Variants in PCED1B observed in about 807,000 individuals in gnomAD.
PCED1B encodes the protein PC-esterase domain-containing protein 1B.
For synonymous variants in PCED1B, 251 were observed against 246.1 expected (o/e 1.02, Z -0.19); for missense variants, 573 against 573.9 (o/e 1.00, Z 0.02).
At chr12:47,212,091 A>G (rs1424011478) in intron 2 of PCED1B, among the ~76,000 whole-genome samples, 1 of 151,282 alleles carries the variant, frequency 6.6e-6, no homozygotes, top group East Asian at 2.0e-4. Context: ...AAAAAAAAAA[A>G]AAACCCAATC....
intron 2 of PCED1B, among the ~76,000 whole-genome samples, chr12:47,112,230 C>T (rs1040095821): frequency 1.3e-5 from 2 of 152,212 alleles, no homozygotes; most frequent in African/African-American, 4.8e-5. Context: ...TTACTTGATA[C>T]ACTCCCTATC....
chr12:47,233,469 A>C (rs1943874809), intron 3 of PCED1B, among the ~76,000 whole-genome samples: 1 of 152,222 alleles, frequency 6.6e-6, no homozygotes, highest in Admixed American at 6.5e-5. Flanking sequence ...AGTGCACCGG[A>C]AAACAGTGAA....
intron 2 of PCED1B, among the ~76,000 whole-genome samples, chr12:47,125,832 T>TGAGTTTACATTTTGTTA (rs1230252972): frequency 2.0e-5 from 3 of 152,108 alleles, no homozygotes; most frequent in Non-Finnish European, 4.4e-5. Flanking sequence ...GAAATACAAT[T>TGAGTTTACATTTTGTTA]GAGTTTACAT....
chr12:47,081,446 G>A (rs1444016763), intron 1 of PCED1B, among the ~76,000 whole-genome samples: 2 of 152,164 alleles, frequency 1.3e-5, no homozygotes, highest in Admixed American at 6.5e-5. Flanking sequence ...GAATAAAGCC[G>A]GGCTAGCACT....
chr12:47,219,642 C>G (rs1237868940), intron 3 of PCED1B, among the ~76,000 whole-genome samples: 2 of 152,186 alleles, frequency 1.3e-5, no homozygotes, highest in African/African-American at 2.4e-5. Context: ...AGAAGACTAG[C>G]TAACAGAGTG....
intron 1 of PCED1B, among the ~76,000 whole-genome samples, chr12:47,093,445 A>T (rs965222457): frequency 1.3e-5 from 2 of 149,662 alleles, no homozygotes; most frequent in Non-Finnish European, 3.0e-5. Context: ...TGTCTTTCTT[A>T]TATGTTCCTT....
At chr12:47,144,967 T>C (rs1370181546) in intron 2 of PCED1B, among the ~76,000 whole-genome samples, 3 of 152,256 alleles carry the variant, frequency 2.0e-5, no homozygotes. Flanking sequence ...TGATTAAGCT[T>C]ACTGAGGAAC....
chr12:47,128,065 C>T (rs1939968068), intron 2 of PCED1B, among the ~76,000 whole-genome samples: 1 of 152,114 alleles, frequency 6.6e-6, no homozygotes, highest in Admixed American at 6.5e-5. Flanking sequence ...AATAAAGCAA[C>T]ACAAAAACAA....
At chr12:47,171,938 G>A (rs962625399) in intron 2 of PCED1B, among the ~76,000 whole-genome samples, 3 of 142,006 alleles carry the variant, frequency 2.1e-5, no homozygotes, top group Non-Finnish European at 4.5e-5. Context: ...ATATGTATAT[G>A]TATGTGTCTA....
intron 2 of PCED1B, chr12:47,135,521 T>A (rs1940318956): frequency 4.0e-6 from 2 of 504,964 alleles, no homozygotes; most frequent in African/African-American, 2.0e-5. Flanking sequence ...ACTGAGATGA[T>A]GATGAGCAGA....
At chr12:47,197,347 C>T (rs1942637295) in intron 2 of PCED1B, among the ~76,000 whole-genome samples, 1 of 151,438 alleles carries the variant, frequency 6.6e-6, no homozygotes. Context: ...TGGCTCACGC[C>T]TGTAATCCCA....
At chr12:47,127,363 T>G (rs1939929742) in intron 2 of PCED1B, among the ~76,000 whole-genome samples, 1 of 143,046 alleles carries the variant, frequency 7.0e-6, no homozygotes, top group Non-Finnish European at 1.5e-5. Context: ...TTTCTGTTTT[T>G]TATTTCTTTT....
In PCED1B at chr12:47,235,263, G is replaced by A. The variant is rs772829479; in HGVS notation, c.200G>A (p.Arg67Gln). The A allele has an allele frequency of 3.1e-6, 5 of 1,613,862 alleles. No homozygotes were observed. Among genetic ancestry groups the A allele is most frequent in the Non-Finnish European group, 3.4e-6 (4 of 1,179,942 alleles). Residue 67 changes from arginine to glutamine, a missense_variant, in exon 4 of 4, where the codon CGG becomes CAG. Physicochemically the swap from Arg to Gln is conservative, Grantham distance 43. Coordinates refer to ENST00000546455, the MANE Select transcript of PCED1B (RefSeq NM_138371.3). ...GATGAGCTGGTGGACGGAGGCCAGC[G>A]GGGCCACATGCACAACGGCCTTAAC... is the stretch of plus-strand genomic sequence containing the variant. Reference protein sequence around the residue: ...EQDELVDGGQRGHMHNGLNYR... With the variant: ...EQDELVDGGQQGHMHNGLNYR...
chr12:47,135,112 T>G (rs937778566), intron 2 of PCED1B, among the ~76,000 whole-genome samples: 1 of 152,208 alleles, frequency 6.6e-6, no homozygotes, highest in Admixed American at 6.5e-5. Context: ...ATTTAGTTTG[T>G]TGCCATTACA....
chr12:47,201,226 C>A (rs1032772763), intron 2 of PCED1B, among the ~76,000 whole-genome samples: 18 of 152,106 alleles, frequency 1.2e-4, no homozygotes, highest in African/African-American at 4.1e-4. Flanking sequence ...GGAAAGTAAA[C>A]GGTTCCAGGT....
chr12:47,174,407 C>CAAA (rs202246828), intron 2 of PCED1B, among the ~76,000 whole-genome samples: 4 of 124,198 alleles, frequency 3.2e-5, no homozygotes, highest in African/African-American at 1.2e-4. Flanking sequence ...AGACTCAATC[C>CAAA]AAAAAAAAAA....
chr12:47,132,387 G>C (rs758171065), intron 2 of PCED1B, among the ~76,000 whole-genome samples: 1 of 151,986 alleles, frequency 6.6e-6, no homozygotes, highest in East Asian at 1.9e-4. Flanking sequence ...TAAAAGTAAG[G>C]TTCTAATAAA....
At chr12:47,191,810 C>T (rs10881073) in intron 2 of PCED1B, among the ~76,000 whole-genome samples, 95,129 of 149,696 alleles carry the variant, frequency 0.64, 30,211 homozygotes, top group East Asian at 0.71. Context: ...TTGTGTTGTG[C>T]TTTTTTTTTT....
intron 3 of PCED1B, among the ~76,000 whole-genome samples, chr12:47,234,268 G>A (rs555660669): frequency 1.6e-4 from 24 of 152,308 alleles, no homozygotes; most frequent in African/African-American, 5.5e-4. Context: ...GATTACAGGC[G>A]TAATCCCACC....
Sources: allele counts gnomAD v4.1 joint callset (sites outside exome capture counted in the v4.1 genomes callset), GRCh38; gene constraint gnomAD v4.1.1; transcripts MANE v1.5; gene names NCBI Gene and HGNC (gene_info 2026-07-23, HGNC 2026-07-21).